TNMD: variants seen among roughly 807,000 people sequenced by gnomAD.
TNMD encodes the protein BRICHOS domain containing 4.
Under a neutral mutation model 26.9 loss-of-function variants are expected in TNMD, and 15 were observed. That is an observed-to-expected ratio of 0.56 (90% CI 0.37 to 0.86). TNMD has a LOEUF of 0.86. Ranked by LOEUF, TNMD falls within the 40% of genes least tolerant of loss-of-function variation. TNMD has a pLI of 0.00. For missense variants in TNMD, 222 were observed against 242.6 expected (o/e 0.92, Z 0.56); for synonymous variants, 73 against 77.0 (o/e 0.95, Z 0.27).
intron 4 of TNMD, among the ~76,000 whole-genome samples, chrX:100,595,840 T>A (rs185168644): frequency 9.6e-4 from 107 of 111,600 alleles, no homozygotes; most frequent in African/African-American, 3.3e-3. Context: ...GAGGAATAGA[T>A]CGACGTTCAG....
chrX:100,593,989 G>A lies in TNMD; in HGVS notation c.275G>A (p.Ser92Asn). ...DPVTRTEIFR[S>N]GNGTDETLEV... ...GTGACCAGAACTGAAATATTCAGAA[G>A]CGGAAATGGCACTGATGAAACATTG... The change falls in exon 3 of 7, where the codon AGC becomes AAC. Residue 92 changes from serine (S) to asparagine (N), a missense_variant. Coordinates refer to ENST00000373031, the MANE Select transcript of TNMD (RefSeq NM_022144.3). 1 of 1,210,688 alleles carries A rather than the reference G, an allele frequency of 8.3e-7. No individual in the cohort carries two copies. Among genetic ancestry groups the A allele is most frequent in the Non-Finnish European group, 1.1e-6 (1 of 894,835 alleles).
chrX:100,589,737 T>C (rs996274249), intron 2 of TNMD, among the ~76,000 whole-genome samples: 2 of 110,833 alleles, frequency 1.8e-5, no homozygotes, highest in Non-Finnish European at 3.8e-5. Flanking sequence ...TCTGAGCAAA[T>C]CTCAGCAGAC....
chrX:100,597,761 T>G, intron 5 of TNMD, 104 bp downstream of exon 5: 3 of 885,392 alleles, frequency 3.4e-6, no homozygotes, highest in Non-Finnish European at 4.8e-6. Flanking sequence ...AATGATCGGT[T>G]TATATCTTCT....
rs2082956193 is a variant in TNMD at position 100,597,493 on chromosome X, T to C, written c.424-11T>C. ...TGCCAATCCCTACCCTAAGCTACTT[T>C]CTTCTTTCAGAATGAAGAAATTACC... On this transcript the variant is annotated splice_polypyrimidine_tract_variant and intron_variant, in intron 4 of 6. Transcript: ENST00000373031. 1 of 1,209,615 alleles carries C rather than the reference T, an allele frequency of 8.3e-7. No homozygotes were observed. The highest frequency in any genetic ancestry group is 2.2e-5 in the Admixed American group (1 of 45,705).
intron 2 of TNMD, among the ~76,000 whole-genome samples, chrX:100,589,099 T>C: frequency 9.0e-6 from 1 of 111,090 alleles, no homozygotes; most frequent in Non-Finnish European, 1.9e-5. Context: ...ACGAGTCTGA[T>C]TGCAACATTT....
At chrX:100,594,095 A>T in intron 3 of TNMD, 60 bp downstream of exon 3, 1 of 1,085,218 alleles carries the variant, frequency 9.2e-7, no homozygotes, top group Admixed American at 2.6e-5. Context: ...AGTTGAGTCA[A>T]GTTAAAAATA....
rs149838137 is a variant in TNMD, at chrX:100,590,436, A to G, written c.181-3459A>G. On this transcript the variant is annotated intron_variant, in intron 2 of 6. Transcript: ENST00000373031. ...TGAGATAGCTTTACCTTTTCTAAAT[A>G]GCTTTCTTTTCTGATCTCAGGGACT... Among the ~76,000 whole-genome samples, 487 of 112,454 alleles carry G rather than the reference A, an allele frequency of 4.3e-3. 1 individual carries two copies. The highest frequency in any genetic ancestry group is 6.4e-3 in the Non-Finnish European group (341 of 53,263).
Position 100,599,033 on chromosome X carries a change from T to G in TNMD, c.595T>G (p.Phe199Val), listed in dbSNP as rs752808526. The part of the protein sequence containing the change: ...TLISVSELQD[F>V]EEEGEDLHFP... ...TATCTTAGTTTCTGAGTTACAAGAC[T>G]TTGAGGAGGAGGGAGAAGATCTTCA... Residue 199 changes from phenylalanine (F) to valine (V), a missense_variant, in exon 6 of 7, where the codon TTT becomes GTT. By Grantham distance (50) the Phe-to-Val change is conservative. Coordinates refer to ENST00000373031, the MANE Select transcript of TNMD (RefSeq NM_022144.3). 2 of 1,201,046 alleles carry G rather than the reference T, an allele frequency of 1.7e-6. No homozygotes were observed. Among genetic ancestry groups the G allele is most frequent in the South Asian group, 3.7e-5 (2 of 54,160 alleles).
chrX:100,599,014 A>C lies in TNMD; in HGVS notation c.578-2A>C. 3 of 1,187,359 alleles carry C rather than the reference A, an allele frequency of 2.5e-6. No individual in the cohort carries two copies. The highest frequency in any genetic ancestry group is 3.4e-6 in the Non-Finnish European group (3 of 883,403). Reference sequence around the variant, plus strand: ...ATCACAACTTTGCATTTATTATCTTAGTTTCTGAGTTACAAGACTTTGAGG... The same window carrying C: ...ATCACAACTTTGCATTTATTATCTTCGTTTCTGAGTTACAAGACTTTGAGG... On this transcript the variant is annotated splice_acceptor_variant, in intron 5 of 6. Coordinates refer to ENST00000373031, the MANE Select transcript of TNMD (RefSeq NM_022144.3). LOFTEE classifies it high-confidence loss of function.
intron 2 of TNMD, among the ~76,000 whole-genome samples, chrX:100,589,132 C>T (rs2082930135): frequency 9.0e-6 from 1 of 111,055 alleles, no homozygotes; most frequent in South Asian, 3.8e-4. Flanking sequence ...TTTCTTGGCA[C>T]GCACAATTGG....
In TNMD at chrX:100,599,537, G is replaced by A; in HGVS notation, c.774G>A (p.Met258Ile). Residue 258 changes from methionine (M) to isoleucine (I), a missense_variant, in exon 7 of 7, where the codon ATG becomes ATA. Transcript: ENST00000373031. ...AAAATGGAATAGAATTTGATCCCAT[G>A]CTGGATGAGAGAGGTTATTGTTGTA... ...YTENGIEFDP[M>I]LDERGYCCIY... 8.3e-7 allele frequency: 1 copy of A among 1,209,825 alleles called. No homozygotes were observed. Among genetic ancestry groups the A allele is most frequent in the South Asian group, 1.8e-5 (1 of 56,536 alleles).
chrX:100,586,085 G>A (rs1320569970), intron 2 of TNMD, among the ~76,000 whole-genome samples: 2 of 111,994 alleles, frequency 1.8e-5, no homozygotes, highest in African/African-American at 6.5e-5. Flanking sequence ...TTATTCCTGG[G>A]CTCATAGGCA....
intron 4 of TNMD, among the ~76,000 whole-genome samples, chrX:100,597,049 A>G (rs1399507887): frequency 1.8e-5 from 2 of 112,390 alleles, no homozygotes; most frequent in African/African-American, 6.5e-5. Context: ...AATTGATCTC[A>G]CCAGTTTGGA....
chrX:100,590,467 A>C (rs2147606450), intron 2 of TNMD, among the ~76,000 whole-genome samples: 1 of 112,441 alleles, frequency 8.9e-6, no homozygotes. Flanking sequence ...GGACTGCCAC[A>C]GAGGCAAGAA....
intron 5 of TNMD, 76 bp from the exon 6 acceptor site, chrX:100,598,940 C>G: frequency 5.8e-6 from 5 of 867,808 alleles, no homozygotes; most frequent in Non-Finnish European, 7.9e-6. Context: ...CTATCCCCAG[C>G]TGCTATTCTC....
At chrX:100,593,584 A>AG (rs760044606) in intron 2 of TNMD, 79 of 146,376 alleles carry the variant, frequency 5.4e-4, no homozygotes, top group South Asian at 1.5e-3. Flanking sequence ...CGGGGCAGTA[A>AG]GGGGGGGGTC....
At chrX:100,594,057 T>C in intron 3 of TNMD, 22 bp downstream of exon 3, 1 of 1,193,499 alleles carries the variant, frequency 8.4e-7, no homozygotes, top group South Asian at 1.9e-5. Context: ...GTTTTCCTCC[T>C]AAGGCTTTCC....
intron 2 of TNMD, among the ~76,000 whole-genome samples, chrX:100,592,509 G>A (rs187586909): frequency 8.9e-6 from 1 of 111,912 alleles, no homozygotes; most frequent in Non-Finnish European, 1.9e-5. Flanking sequence ...ATGTGCCATT[G>A]GTGGGGACAA....
At position 100,599,179 on chromosome X, in the gene TNMD, C is replaced by A; in HGVS notation, c.741C>A (p.Asp247Glu). ...QASEEELPIN[D>E]YTENGIEFDP... ...GTGAGGAAGAACTTCCAATAAATGA[C>A]TATGTGAGTTATGTTTATGTAAACT... Residue 247 changes from aspartate to glutamate, a missense_variant, in exon 6 of 7, where the codon GAC becomes GAA. Asp to Glu is a conservative substitution (Grantham distance 45). Transcript: ENST00000373031. 1.7e-6 allele frequency: 2 copies of A among 1,181,344 alleles called. No homozygotes were observed. The highest frequency in any genetic ancestry group is 2.3e-6 in the Non-Finnish European group (2 of 880,613).
Sources: allele counts gnomAD v4.1 joint callset (sites outside exome capture counted in the v4.1 genomes callset), GRCh38; gene constraint gnomAD v4.1.1; transcripts MANE v1.5; gene names NCBI Gene and HGNC (gene_info 2026-07-23, HGNC 2026-07-21).